ANKRD11: variants seen among roughly 807,000 people sequenced by gnomAD.
The protein encoded by ANKRD11 is ankyrin repeat domain-containing protein 11.
Under a neutral mutation model 195.7 loss-of-function variants are expected in ANKRD11, and 17 were observed. The ratio of observed to expected loss-of-function variants is 0.09; its 90% CI spans 0.06 to 0.13. The LOEUF (loss-of-function observed/expected upper bound fraction) is 0.13, where lower values mean the gene tolerates loss of function less well. Ranked by LOEUF, ANKRD11 falls within the 10% of genes least tolerant of loss-of-function variation. The pLI, the probability that ANKRD11 is intolerant of heterozygous loss-of-function variation, is 1.00. For synonymous variants in ANKRD11, 1,953 were observed against 1,528.1 expected, an observed-to-expected ratio of 1.28 and a Z score of -6.49; for missense variants, 3,735 against 3,566.1, an observed-to-expected ratio of 1.05 and a Z score of -1.21.
chr16:89,282,375 G>A lies in ANKRD11; in HGVS notation c.4167C>T (p.Ser1389=), dbSNP rs775676167. 1.2e-5 allele frequency: 19 copies of A among 1,614,046 alleles called. No homozygotes were observed. The highest frequency in any genetic ancestry group is 4.5e-5 in the East Asian group (2 of 44,898). The stretch of plus-strand genomic sequence containing the variant: ...CCAGGAAGTCCTTTTCGTACTGGCC[G>A]GAGTCCTTCCTGCTACCGCCCTCCT... The part of the protein sequence containing the change: ...DYKEGGSRKD[S]GQYEKDFLEA... Residue 1389 remains serine (S), a synonymous_variant, in exon 9 of 13, where the codon TCC becomes TCT. Coordinates refer to ENST00000301030, the MANE Select transcript of ANKRD11 (RefSeq NM_013275.6).
intron 11 of ANKRD11, among the ~76,000 whole-genome samples, chr16:89,273,513 A>G (rs758869976): frequency 6.6e-5 from 10 of 152,118 alleles, no homozygotes; most frequent in Non-Finnish European, 1.3e-4. Context: ...CATCCTGGAC[A>G]TGGTGACACC....
intron 9 of ANKRD11, chr16:89,277,648 G>T (rs2033769932): frequency 6.6e-6 from 1 of 152,278 alleles, no homozygotes; most frequent in Non-Finnish European, 1.5e-5. Flanking sequence ...GCCTCCCCGG[G>T]GACGGCTGGG....
chr16:89,479,203 A>G (rs1431309040), intron 1 of ANKRD11, among the ~76,000 whole-genome samples: 2 of 152,136 alleles, frequency 1.3e-5, no homozygotes, highest in Admixed American at 1.3e-4. Flanking sequence ...AAGAGAGTGC[A>G]ACATCACTAG....
chr16:89,487,131 G>A lies in ANKRD11; in HGVS notation c.-145+3114C>T, dbSNP rs557475081. ...CATTTTTCTATAAAGTTTATCAAACGGGCCACACTGAATTCCCACAGAGCA... is the reference window on the plus strand; with the variant it reads ...CATTTTTCTATAAAGTTTATCAAACAGGCCACACTGAATTCCCACAGAGCA... On this transcript the variant is annotated intron_variant, in intron 1 of 12. Transcript: ENST00000301030. Among the ~76,000 whole-genome samples the A allele has an allele frequency of 3.9e-5, 6 of 151,958 alleles. No individual in the cohort carries two copies. The East Asian group carries it at 7.7e-4, about 20-fold the overall frequency.
At chr16:89,436,009 A>T (rs560438274) in intron 1 of ANKRD11, among the ~76,000 whole-genome samples, 1 of 152,292 alleles carries the variant, frequency 6.6e-6, no homozygotes, top group South Asian at 2.1e-4. Context: ...TGCTGCTGAG[A>T]GCAGAGGGTT....
At chr16:89,336,677 G>A (rs56781321) in intron 2 of ANKRD11, among the ~76,000 whole-genome samples, 3,820 of 152,296 alleles carry the variant, frequency 0.025, 95 homozygotes, top group East Asian at 0.11. Context: ...AGGGAGCACA[G>A]GCACTAGGAG....
At chr16:89,271,049 A>C in intron 11 of ANKRD11, 140 bp from the exon 12 acceptor site, 1 of 780,298 alleles carries the variant, frequency 1.3e-6, no homozygotes, top group East Asian at 2.7e-5. Flanking sequence ...CACACACTGA[A>C]TCATGTTCAA....
chr16:89,416,668 A>G (rs1163606182), intron 2 of ANKRD11, among the ~76,000 whole-genome samples: 3 of 151,350 alleles, frequency 2.0e-5, no homozygotes, highest in Admixed American at 6.6e-5. Flanking sequence ...GGTGGCTCAC[A>G]CCTGTAATCC....
intron 2 of ANKRD11, among the ~76,000 whole-genome samples, chr16:89,402,688 G>C (rs915243761): frequency 1.1e-4 from 17 of 149,744 alleles, no homozygotes; most frequent in Non-Finnish European, 1.8e-4. Flanking sequence ...TGCGGGAGGA[G>C]GTGAGGTGGC....
At chr16:89,418,973 CG>C (rs1390843620) in intron 1 of ANKRD11, among the ~76,000 whole-genome samples, 1 of 152,078 alleles carries the variant, frequency 6.6e-6, no homozygotes, top group Admixed American at 6.6e-5. Flanking sequence ...CCAATCACCT[CG>C]GCCTTCCAAA....
chr16:89,286,275 C>G (rs992661952), intron 7 of ANKRD11, 89 bp from the exon 8 acceptor site: 20 of 1,568,166 alleles, frequency 1.3e-5, no homozygotes, highest in Non-Finnish European at 1.7e-5. Flanking sequence ...CTTCCGAGAA[C>G]CCTGGGGTTC....
chr16:89,316,328 C>G (rs542139506), intron 3 of ANKRD11, among the ~76,000 whole-genome samples: 1 of 152,124 alleles, frequency 6.6e-6, no homozygotes, highest in Non-Finnish European at 1.5e-5. Flanking sequence ...CAGAACTCGG[C>G]GTCTCCCCTC....
intron 2 of ANKRD11, among the ~76,000 whole-genome samples, chr16:89,337,165 AACAGAGT>A (rs2038405554): frequency 6.6e-6 from 1 of 152,030 alleles, no homozygotes; most frequent in South Asian, 2.1e-4. Context: ...CACCCTGGGC[AACAGAGT>A]GAGACCCTGT....
intron 2 of ANKRD11, among the ~76,000 whole-genome samples, chr16:89,318,187 T>G (rs1364430369): frequency 6.6e-6 from 1 of 152,180 alleles, no homozygotes; most frequent in African/African-American, 2.4e-5. Flanking sequence ...CCTGGTCTCT[T>G]CTGTGGCGAT....
In ANKRD11 at chr16:89,336,793, G is replaced by A. The variant is rs1404814396; in HGVS notation, c.-59-19715C>T. Reference sequence around the variant, plus strand: ...AGATGATAAAAGGGTTTCAATACAAGTGTAACATTTTAAATATAAAGGAAT... The same window carrying A: ...AGATGATAAAAGGGTTTCAATACAAATGTAACATTTTAAATATAAAGGAAT... On this transcript the variant is annotated intron_variant, in intron 2 of 12. Coordinates refer to ENST00000301030, the MANE Select transcript of ANKRD11 (RefSeq NM_013275.6). 2.0e-5 allele frequency among the ~76,000 whole-genome samples: 3 copies of A among 152,128 alleles called. No homozygotes were observed. The South Asian group carries it at 6.2e-4, about 32-fold the overall frequency.
At chr16:89,489,485 T>A (rs1246716549) in intron 1 of ANKRD11, among the ~76,000 whole-genome samples, 1 of 135,828 alleles carries the variant, frequency 7.4e-6, no homozygotes, top group Admixed American at 7.9e-5. Context: ...GCGCGCCTCC[T>A]GCAACCCCGA....
chr16:89,293,773 C>A (rs986279746), intron 4 of ANKRD11, among the ~76,000 whole-genome samples: 1 of 151,260 alleles, frequency 6.6e-6, no homozygotes, highest in African/African-American at 2.4e-5. Flanking sequence ...GGAGCTGGGG[C>A]GGTGTTGGGG....
intron 12 of ANKRD11, 160 bp downstream of exon 12, chr16:89,270,657 A>C: frequency 1.3e-6 from 1 of 753,104 alleles, no homozygotes; most frequent in South Asian, 1.5e-5. Context: ...CACCTCCCCG[A>C]AAGCATCGGC....
At position 89,305,015 on chromosome 16, in the gene ANKRD11, G is replaced by C. The variant is rs2036094629; in HGVS notation, c.226+191C>G. The stretch of plus-strand genomic sequence containing the variant: ...TCTCCAATCGGCCCCATGGGCCTGA[G>C]CCTCGGGTGCAAAGGAGGTGGCATG... On this transcript the variant is annotated intron_variant, in intron 4 of 12. Transcript: ENST00000301030. The C allele has an allele frequency of 3.6e-6, 3 of 835,654 alleles. 1 individual carries two copies. The South Asian group carries it at 5.4e-5, about 15-fold the overall frequency. 51.8% of individuals were successfully genotyped at this position (835,654 alleles called of 1,614,324 possible).
Sources: gnomAD v4.1 joint callset for allele counts (sites outside exome capture counted in the v4.1 genomes callset) on GRCh38, gnomAD v4.1.1 for gene constraint, MANE v1.5 for transcripts, NCBI Gene and HGNC (gene_info 2026-07-23, HGNC 2026-07-21) for gene names.